Variants in MGMT observed in about 807,000 individuals in gnomAD.
The protein encoded by MGMT is O-6-methylguanine-DNA methyltransferase.
In MGMT, 14 loss-of-function variants were observed where a neutral mutation model predicts 15.9. That is an observed-to-expected ratio of 0.88 (90% CI 0.58 to 1.37). The LOEUF is 1.37. MGMT is among the 40% of genes most tolerant of loss of function. The probability of loss-of-function intolerance (pLI) is 0.00; values close to 1 mark genes in which losing one functional copy is unlikely to be tolerated. For synonymous variants in MGMT, 130 were observed against 118.2 expected (o/e 1.10, Z -0.65); for missense variants, 282 against 268.1 (o/e 1.05, Z -0.36).
intron 1 of MGMT, among the ~76,000 whole-genome samples, chr10:129,503,414 A>C (rs984802357): frequency 2.0e-5 from 3 of 152,244 alleles, no homozygotes; most frequent in Admixed American, 6.5e-5. Flanking sequence ...AGGTAATTGC[A>C]CACAAATGTG....
intron 2 of MGMT, among the ~76,000 whole-genome samples, chr10:129,649,406 A>G (rs1847432132): frequency 6.6e-6 from 1 of 152,216 alleles, no homozygotes; most frequent in South Asian, 2.1e-4. Flanking sequence ...AGTTTTTAAA[A>G]TCAAGGGTTG....
intron 2 of MGMT, among the ~76,000 whole-genome samples, chr10:129,678,404 G>A (rs979419571): frequency 6.6e-6 from 1 of 151,610 alleles, no homozygotes; most frequent in Non-Finnish European, 1.5e-5. Context: ...GCTGTTGCTG[G>A]TGCAGATTGG....
chr10:129,756,426 G>A (rs1368062654), intron 3 of MGMT, among the ~76,000 whole-genome samples: 2 of 152,192 alleles, frequency 1.3e-5, no homozygotes, highest in African/African-American at 4.8e-5. Context: ...TGCCCTCTGG[G>A]GAGGCCCATG....
At chr10:129,726,040 C>A (rs1392671959) in intron 3 of MGMT, among the ~76,000 whole-genome samples, 2 of 152,080 alleles carry the variant, frequency 1.3e-5, no homozygotes, top group Admixed American at 6.5e-5. Context: ...GTCACACAGC[C>A]TGGCCATGGC....
chr10:129,689,744 C>G (rs1564762282), intron 2 of MGMT, among the ~76,000 whole-genome samples: 1 of 152,206 alleles, frequency 6.6e-6, no homozygotes. Flanking sequence ...CAACTCTGAT[C>G]AGCTTGGCCA....
chr10:129,709,195 C>T (rs943800109), intron 3 of MGMT, among the ~76,000 whole-genome samples: 2 of 152,180 alleles, frequency 1.3e-5, no homozygotes, highest in Non-Finnish European at 2.9e-5. Flanking sequence ...TACATGGAAC[C>T]ACAAACGTCC....
chr10:129,657,732 CTCTCCCCCAAGG>C (rs1554874830), intron 2 of MGMT, among the ~76,000 whole-genome samples: 1 of 150,034 alleles, frequency 6.7e-6, no homozygotes, highest in South Asian at 2.1e-4. Flanking sequence ...CACACACCCC[CTCTCCCCCAAGG>C]ACCCACAAGG....
chr10:129,661,102 G>A (rs956416210), intron 2 of MGMT, among the ~76,000 whole-genome samples: 6 of 152,010 alleles, frequency 3.9e-5, no homozygotes, highest in African/African-American at 1.5e-4. Flanking sequence ...TTTGTGAGTA[G>A]GACTTTAACT....
At position 129,708,003 on chromosome 10, in the gene MGMT, G is replaced by C; in HGVS notation, c.234G>C (p.Glu78Asp). The C allele has an allele frequency of 1.2e-6, 2 of 1,613,878 alleles. No homozygotes were observed. Among genetic ancestry groups the C allele is most frequent in the South Asian group, 2.2e-5 (2 of 91,074 alleles). The change falls in exon 3 of 5, where the codon GAG (glutamate) becomes GAC (aspartate). Residue 78 changes from glutamate (E) to aspartate (D), a missense_variant. Transcript: ENST00000651593. ...AYFHQPEAIE[E>D]FPVPALHHPV... ...TCCACCAGCCCGAGGCTATCGAAGA[G>C]TTCCCCGTGCCGGCTCTTCACCATC...
intron 2 of MGMT, among the ~76,000 whole-genome samples, chr10:129,611,823 T>C (rs1303677782): frequency 6.6e-6 from 1 of 152,178 alleles, no homozygotes. Context: ...CTCCTAGAGC[T>C]GGGGTGTGAT....
At chr10:129,657,135 A>G (rs1037084760) in intron 2 of MGMT, among the ~76,000 whole-genome samples, 2 of 152,148 alleles carry the variant, frequency 1.3e-5, no homozygotes, top group African/African-American at 4.8e-5. Context: ...ATTTGGGGAC[A>G]GATACCCTGT....
chr10:129,474,227 G>T (rs1711663), intron 1 of MGMT, among the ~76,000 whole-genome samples: 114,406 of 152,104 alleles, frequency 0.75, 47,271 homozygotes, highest in Non-Finnish European at 0.92. Context: ...TGGGAGTCTT[G>T]TGAGTGGGGA....
At chr10:129,531,116 C>T (rs1414034867) in intron 1 of MGMT, among the ~76,000 whole-genome samples, 1 of 152,104 alleles carries the variant, frequency 6.6e-6, no homozygotes, top group African/African-American at 2.4e-5. Flanking sequence ...CCTCCTGGGG[C>T]TGTGGGTCTG....
At chr10:129,501,925 C>G (rs1711664) in intron 1 of MGMT, among the ~76,000 whole-genome samples, 152,202 of 152,348 alleles carry the variant, frequency 1, 76,029 homozygotes, top group Middle Eastern at 1. Flanking sequence ...ATGAGCGTGG[C>G]CTGGAGTGGC....
chr10:129,687,069 C>T (rs1162551263), intron 2 of MGMT, among the ~76,000 whole-genome samples: 1 of 152,190 alleles, frequency 6.6e-6, no homozygotes, highest in African/African-American at 2.4e-5. Flanking sequence ...TTAGTCGCTG[C>T]AACCCTGTGT....
chr10:129,524,942 A>G (rs759991738), intron 1 of MGMT, among the ~76,000 whole-genome samples: 13 of 152,170 alleles, frequency 8.5e-5, no homozygotes, highest in Non-Finnish European at 1.8e-4. Context: ...TCACAAACCA[A>G]TTGTCAGTTA....
chr10:129,642,805 G>A (rs866851846), intron 2 of MGMT, among the ~76,000 whole-genome samples: 2 of 152,078 alleles, frequency 1.3e-5, no homozygotes, highest in East Asian at 1.9e-4. Context: ...TGTGGCTCAC[G>A]TCTGTAGTCA....
chr10:129,541,192 C>CT (rs958497277), intron 2 of MGMT, among the ~76,000 whole-genome samples: 1 of 152,230 alleles, frequency 6.6e-6, no homozygotes, highest in Non-Finnish European at 1.5e-5. Flanking sequence ...CAATGACTTC[C>CT]TTGCATAGTT....
chr10:129,731,242 T>A (rs1425671883), intron 3 of MGMT, among the ~76,000 whole-genome samples: 1 of 151,408 alleles, frequency 6.6e-6, no homozygotes, highest in East Asian at 1.9e-4. Context: ...AAATTAACCC[T>A]TCAGACCCTC....
Sources: gnomAD v4.1 joint callset for allele counts (sites outside exome capture counted in the v4.1 genomes callset) on GRCh38, gnomAD v4.1.1 for gene constraint, MANE v1.5 for transcripts, NCBI Gene and HGNC (gene_info 2026-07-23, HGNC 2026-07-21) for gene names.